SLC24A3: variants seen among roughly 807,000 people sequenced by gnomAD.
SLC24A3 encodes sodium/potassium/calcium exchanger 3.
In SLC24A3, 28 loss-of-function variants were observed where a neutral mutation model predicts 75.8. That is an observed-to-expected ratio of 0.37 (90% confidence interval 0.27 to 0.51). The LOEUF is 0.51. SLC24A3 is among the 20% of genes least tolerant of loss of function. The probability of loss-of-function intolerance (pLI) is 0.94; values close to 1 mark genes in which losing one functional copy is unlikely to be tolerated. For missense variants in SLC24A3, 663 were observed against 847.8 expected (o/e 0.78, Z 2.71); for synonymous variants, 372 against 334.1 (o/e 1.11, Z -1.24).
intron 6 of SLC24A3, among the ~76,000 whole-genome samples, chr20:19,621,918 C>T (rs551136140): frequency 1.3e-5 from 2 of 152,304 alleles, no homozygotes; most frequent in South Asian, 4.1e-4. Flanking sequence ...CTCCTGGTTG[C>T]CAATGCAGAT....
intron 3 of SLC24A3, among the ~76,000 whole-genome samples, chr20:19,574,266 T>G (rs1986438621): frequency 6.6e-6 from 1 of 152,258 alleles, no homozygotes; most frequent in African/African-American, 2.4e-5. Context: ...TTGTTAGGAA[T>G]GTTTCAAGTC....
intron 2 of SLC24A3, among the ~76,000 whole-genome samples, chr20:19,372,514 C>T (rs1488131483): frequency 6.6e-6 from 1 of 152,156 alleles, no homozygotes; most frequent in African/African-American, 2.4e-5. Context: ...GTGACCTTGA[C>T]CTTATTAGCA....
intron 2 of SLC24A3, among the ~76,000 whole-genome samples, chr20:19,410,128 A>G (rs946902620): frequency 1.3e-5 from 2 of 152,188 alleles, no homozygotes; most frequent in African/African-American, 4.8e-5. Flanking sequence ...GGCATTAGCT[A>G]GAAAAACGTT....
chr20:19,291,324 T>C (rs1398515138), intron 2 of SLC24A3, among the ~76,000 whole-genome samples: 3 of 152,082 alleles, frequency 2.0e-5, no homozygotes, highest in Non-Finnish European at 4.4e-5. Context: ...CCATGAACAA[T>C]GGGGGTGGCC....
intron 2 of SLC24A3, among the ~76,000 whole-genome samples, chr20:19,448,271 T>A (rs1237886411): frequency 6.6e-6 from 1 of 152,252 alleles, no homozygotes; most frequent in Admixed American, 6.5e-5. Context: ...ATTGTTGATA[T>A]TGTTAATAGC....
At chr20:19,249,345 C>T (rs2122177151) in intron 1 of SLC24A3, among the ~76,000 whole-genome samples, 1 of 152,256 alleles carries the variant, frequency 6.6e-6, no homozygotes, top group African/African-American at 2.4e-5. Flanking sequence ...CTTTTGTGCT[C>T]TCAGTGTCAT....
chr20:19,488,426 T>C (rs1988159434), intron 2 of SLC24A3, among the ~76,000 whole-genome samples: 1 of 152,210 alleles, frequency 6.6e-6, no homozygotes, highest in South Asian at 2.1e-4. Flanking sequence ...TAGAGCCTCA[T>C]GTGTGAGGTT....
intron 15 of SLC24A3, among the ~76,000 whole-genome samples, chr20:19,709,293 A>G (rs2032964889): frequency 6.6e-6 from 1 of 152,130 alleles, no homozygotes; most frequent in Admixed American, 6.5e-5. Context: ...CGAGGCAGGA[A>G]TGGCTGTTGG....
intron 6 of SLC24A3, among the ~76,000 whole-genome samples, chr20:19,642,343 G>A (rs954752474): frequency 5.9e-5 from 9 of 152,288 alleles, no homozygotes; most frequent in African/African-American, 2.2e-4. Context: ...CTTCTCATAC[G>A]TTTTTGCACG....
At chr20:19,354,612 G>C (rs1001143336) in intron 2 of SLC24A3, among the ~76,000 whole-genome samples, 2 of 143,562 alleles carry the variant, frequency 1.4e-5, no homozygotes, top group Admixed American at 1.4e-4. Flanking sequence ...GTGTGTGTGT[G>C]TGTGTGTGTG....
chr20:19,228,614 C>T (rs13044102), intron 1 of SLC24A3, among the ~76,000 whole-genome samples: 3,519 of 151,300 alleles, frequency 0.023, 53 homozygotes, highest in Non-Finnish European at 0.032. Flanking sequence ...CACTGCACTC[C>T]AGCCTGGGTG....
intron 2 of SLC24A3, among the ~76,000 whole-genome samples, chr20:19,393,353 C>T (rs940937010): frequency 6.6e-6 from 1 of 151,930 alleles, no homozygotes; most frequent in African/African-American, 2.4e-5. Context: ...CTGGTTTGCT[C>T]AACATACCAC....
chr20:19,685,878 G>A (rs1294933532), intron 12 of SLC24A3, among the ~76,000 whole-genome samples: 1 of 152,144 alleles, frequency 6.6e-6, no homozygotes, highest in East Asian at 1.9e-4. Context: ...CAGGCATCAC[G>A]ATGAAGGAGA....
intron 9 of SLC24A3, among the ~76,000 whole-genome samples, chr20:19,680,108 G>C (rs192937640): frequency 8.9e-5 from 12 of 134,212 alleles, no homozygotes; most frequent in Non-Finnish European, 1.6e-4. Context: ...GTGCGAGTGT[G>C]TGTCTGTGTC....
intron 2 of SLC24A3, among the ~76,000 whole-genome samples, chr20:19,441,182 G>A (rs762656982): frequency 1.2e-4 from 19 of 152,130 alleles, no homozygotes; most frequent in Non-Finnish European, 1.8e-4. Flanking sequence ...TCCTTGCACC[G>A]TGGAAGCCCA....
At chr20:19,639,982 C>T (rs200817438) in intron 6 of SLC24A3, among the ~76,000 whole-genome samples, 29 of 152,366 alleles carry the variant, frequency 1.9e-4, no homozygotes, top group African/African-American at 6.0e-4. Context: ...CCCGCAAGCG[C>T]GGAGCGCAGC....
intron 2 of SLC24A3, among the ~76,000 whole-genome samples, chr20:19,406,050 C>T (rs1242239111): frequency 3.3e-5 from 5 of 152,036 alleles, no homozygotes; most frequent in South Asian, 2.1e-4. Flanking sequence ...TTGGGCCTGC[C>T]CCTCCTTCTT....
In SLC24A3 at chr20:19,454,654, G is replaced by A. The variant is rs35568044; in HGVS notation, c.272-60834G>A. ...GAACTTCACTGAAGACATAAAAGGT[G>A]TAATTATCACATTTGCAAAAGACCC... On this transcript the variant is annotated intron_variant, in intron 2 of 16. Transcript: ENST00000328041. Among the ~76,000 whole-genome samples the A allele has an allele frequency of 9.2e-3, 1,402 of 152,288 alleles. 20 individuals are homozygous for A. Among genetic ancestry groups the A allele is most frequent in the African/African-American group, 0.032 (1,321 of 41,554 alleles).
At chr20:19,712,938 A>C (rs1156474076) in intron 15 of SLC24A3, among the ~76,000 whole-genome samples, 1 of 152,224 alleles carries the variant, frequency 6.6e-6, no homozygotes, top group Non-Finnish European at 1.5e-5. Flanking sequence ...GTGGTAGAGA[A>C]ACAGGGCAGT....
Sources: allele counts gnomAD v4.1 joint callset (sites outside exome capture counted in the v4.1 genomes callset), GRCh38; gene constraint gnomAD v4.1.1; transcripts MANE v1.5; gene names NCBI Gene and HGNC (gene_info 2026-07-23, HGNC 2026-07-21).